RRP1B: variants seen among roughly 807,000 people sequenced by gnomAD.
RRP1B encodes ribosomal RNA processing protein 1 homolog B.
RRP1B carries 56 observed loss-of-function variants against 80.2 expected under a neutral mutation model. The ratio of observed to expected loss-of-function variants is 0.70; its 90% CI spans 0.56 to 0.87. The LOEUF (loss-of-function observed/expected upper bound fraction) is 0.87. RRP1B is among the 40% of genes least tolerant of loss of function. RRP1B has a pLI of 0.00. For synonymous variants in RRP1B, 351 were observed against 357.6 expected (o/e 0.98, Z 0.21); for missense variants, 807 against 939.8 (o/e 0.86, Z 1.85).
At chr21:43,660,726 G>T (rs565750260) in intron 1 of RRP1B, among the ~76,000 whole-genome samples, 1 of 152,302 alleles carries the variant, frequency 6.6e-6, no homozygotes, top group Admixed American at 6.5e-5. Flanking sequence ...AGGCAGGAAA[G>T]AGCTTCACGT....
At chr21:43,664,209 C>T (rs1049079410) in intron 1 of RRP1B, among the ~76,000 whole-genome samples, 15 of 151,460 alleles carry the variant, frequency 9.9e-5, no homozygotes, top group Non-Finnish European at 1.8e-4. Flanking sequence ...GAAGCCGAGG[C>T]GGGTGGATCA....
rs73908364 is a variant in RRP1B, at chr21:43,685,661, T to C, written c.990-109T>C. 3.4e-3 allele frequency: 2,716 copies of C among 787,402 alleles called. 56 individuals carry two copies. The African/African-American group carries it at 0.044, about 13-fold the overall frequency. 48.8% of individuals were successfully genotyped at this position (787,402 alleles called of 1,614,324 possible). A position where few individuals can be genotyped will look rare whatever the true frequency, so the allele number is the denominator to read the frequency against. ...ACGTGAATTAACAACTATTTAACTA[T>C]GGCTTGTATTTTAAAAATCAAATAC... is the stretch of plus-strand genomic sequence containing the variant. On this transcript the variant is annotated intron_variant, in intron 10 of 15. Coordinates refer to ENST00000340648, the MANE Select transcript of RRP1B (RefSeq NM_015056.3).
intron 8 of RRP1B, among the ~76,000 whole-genome samples, chr21:43,679,282 G>A (rs969059785): frequency 1.3e-5 from 2 of 151,184 alleles, no homozygotes; most frequent in South Asian, 2.1e-4. Flanking sequence ...GGCGGGGAGG[G>A]GAGAGAGACA....
At chr21:43,674,919 C>G (rs1957240377) in intron 5 of RRP1B, 115 bp from the exon 6 acceptor site, 1 of 1,373,242 alleles carries the variant, frequency 7.3e-7, no homozygotes, top group Non-Finnish European at 1.0e-6. Context: ...ATGATTTCAG[C>G]CTTGCATTGA....
At chr21:43,665,430 A>G (rs1413721553) in intron 1 of RRP1B, among the ~76,000 whole-genome samples, 1 of 152,228 alleles carries the variant, frequency 6.6e-6, no homozygotes, top group African/African-American at 2.4e-5. Context: ...CAAGCTTGTG[A>G]TTATATCACT....
chr21:43,661,841 C>T (rs902256024), intron 1 of RRP1B, among the ~76,000 whole-genome samples: 19 of 152,308 alleles, frequency 1.2e-4, no homozygotes, highest in Non-Finnish European at 2.5e-4. Context: ...AATTTCTCAC[C>T]TCTCTGCCTT....
At position 43,691,443 on chromosome 21, in the gene RRP1B, A is replaced by G. The variant is rs983596088; in HGVS notation, c.2024A>G (p.Asn675Ser). ...CCTGTTATTTCTCTTCTGCAGCTAAACAAGACACCATCCAGCTCCAAGAAA... is the reference window on the plus strand; with the variant it reads ...CCTGTTATTTCTCTTCTGCAGCTAAGCAAGACACCATCCAGCTCCAAGAAA... ...THPPGPAVQL[N>S]KTPSSSKKVT... The change falls in exon 15 of 16, where the codon AAC becomes AGC. Residue 675 changes from asparagine to serine, a missense_variant. Transcript: ENST00000340648. This position sits in a 1 kb window ranked among gnomAD's most constrained non-coding sequence, Gnocchi z 4.2. 6.2e-7 allele frequency: 1 copy of G among 1,613,922 alleles called. No homozygotes were observed. Among genetic ancestry groups the G allele is most frequent in the Non-Finnish European group, 8.5e-7 (1 of 1,179,890 alleles).
At position 43,672,384 on chromosome 21, in the gene RRP1B, TCTC is replaced by T. The variant is rs1323872308; in HGVS notation, c.271+22_271+24del. On this transcript the variant is annotated intron_variant, in intron 3 of 15. Coordinates refer to ENST00000340648, the MANE Select transcript of RRP1B (RefSeq NM_015056.3). The stretch of plus-strand genomic sequence containing the variant: ...GCGGCTCGTAAGTCCTGTTGTTTCT[TCTC>T]CTTCCTTCCAAGTTTTCCGACTTGC... The T allele has an allele frequency of 1.9e-6, 3 of 1,607,184 alleles. No homozygotes were observed. The highest frequency in any genetic ancestry group is 2.2e-5 in the South Asian group (2 of 90,916).
chr21:43,667,295 T>G (rs745945331), intron 1 of RRP1B, among the ~76,000 whole-genome samples: 8 of 152,176 alleles, frequency 5.3e-5, no homozygotes, highest in Non-Finnish European at 1.0e-4. Context: ...GGCACGATTA[T>G]AGCTTACTGC....
intron 10 of RRP1B, among the ~76,000 whole-genome samples, 192 bp downstream of exon 10, chr21:43,684,842 T>A (rs2083057201): frequency 6.6e-6 from 1 of 152,146 alleles, no homozygotes; most frequent in Admixed American, 6.5e-5. Context: ...ACCCCTCAGG[T>A]TCCATTCTTC....
chr21:43,678,094 G>A (rs1279200275), intron 8 of RRP1B, among the ~76,000 whole-genome samples: 2 of 152,188 alleles, frequency 1.3e-5, no homozygotes, highest in African/African-American at 4.8e-5. Flanking sequence ...GTTTTCCACA[G>A]TGGTTGTACT....
intron 1 of RRP1B, among the ~76,000 whole-genome samples, chr21:43,666,404 G>A (rs2082978158): frequency 1.3e-5 from 2 of 152,206 alleles, no homozygotes; most frequent in African/African-American, 4.8e-5. Flanking sequence ...GCACAAAGTT[G>A]TGCTTCACTT....
rs1480589059 is a variant in RRP1B at position 43,695,436 on chromosome 21, G to A, written c.*2053G>A. The A allele has an allele frequency of 1.3e-5, 2 of 152,180 alleles. No homozygotes were observed. The highest frequency in any genetic ancestry group is 2.9e-5 in the Non-Finnish European group (2 of 68,036). The allele number at this position is 152,180 out of a possible 1,614,324, so 9.4% of individuals were successfully genotyped here. A position where few individuals can be genotyped will look rare whatever the true frequency, so the allele number is the denominator to read the frequency against. ...CCTCCTGTCAAAACCATGCCTGAGAGGTCCCGGCTGGGAGTGACAGGGTGC... is the reference window on the plus strand; with the variant it reads ...CCTCCTGTCAAAACCATGCCTGAGAAGTCCCGGCTGGGAGTGACAGGGTGC... On this transcript the variant is annotated 3_prime_UTR_variant, in exon 16 of 16. Coordinates refer to ENST00000340648, the MANE Select transcript of RRP1B (RefSeq NM_015056.3).
At position 43,691,362 on chromosome 21, in the gene RRP1B, T is replaced by G. The variant is rs2083085513; in HGVS notation, c.2020-77T>G. On this transcript the variant is annotated intron_variant, in intron 14 of 15. Transcript: ENST00000340648. The surrounding 1 kb of genome is among the most constrained non-coding windows in gnomAD (Gnocchi z 4.2). ...TGGGCGGCATACCCTCCAGGGCAGGTTCTCCAGAAAAATCTGACTAAGCGC... is the reference window on the plus strand; with the variant it reads ...TGGGCGGCATACCCTCCAGGGCAGGGTCTCCAGAAAAATCTGACTAAGCGC... The G allele has an allele frequency of 7.2e-7, 1 of 1,387,256 alleles. No individual in the cohort carries two copies. Among genetic ancestry groups the G allele is most frequent in the Middle Eastern group, 1.8e-4 (1 of 5,630 alleles). 85.9% of individuals were successfully genotyped at this position (1,387,256 alleles called of 1,614,324 possible).
chr21:43,687,403 TCGTGGTA>T, intron 12 of RRP1B, 106 bp from the exon 13 acceptor site: 1 of 1,260,410 alleles, frequency 7.9e-7, no homozygotes, highest in South Asian at 2.0e-5. Flanking sequence ...GGAACTTTCC[TCGTGGTA>T]GAATGTCAGG....
At chr21:43,681,618 C>CG in intron 8 of RRP1B, among the ~76,000 whole-genome samples, 1 of 152,156 alleles carries the variant, frequency 6.6e-6, no homozygotes, top group African/African-American at 2.4e-5. Context: ...TACAGACAGG[C>CG]GTGAGCCACC....
intron 1 of RRP1B, among the ~76,000 whole-genome samples, chr21:43,663,522 T>G (rs1053255151): frequency 6.6e-6 from 1 of 152,098 alleles, no homozygotes; most frequent in Non-Finnish European, 1.5e-5. Flanking sequence ...CTCAAAGTGC[T>G]GGGATTACAG....
At chr21:43,675,262 G>A (rs1296070938) in intron 6 of RRP1B, 99 bp downstream of exon 6, 3 of 1,128,998 alleles carry the variant, frequency 2.7e-6, no homozygotes, top group Non-Finnish European at 3.9e-6. Flanking sequence ...CGCATGACCA[G>A]CGACTGTAGC....
In RRP1B at chr21:43,676,847, CCT is replaced by C. The variant is rs755492196; in HGVS notation, c.734_735del (p.Ser245CysfsTer2). On this transcript the variant is annotated frameshift_variant, in exon 8 of 16. Transcript: ENST00000340648. LOFTEE classifies it high-confidence loss of function. ...EQKTKVGDGD[L>X]SAEEIPENEV... ...AGAAGACAAAAGTGGGTGATGGTGA[CCT>C]CTCTGCTGAGGAGATACCTGAAAAT... 1.9e-6 allele frequency: 3 copies of C among 1,614,090 alleles called. No homozygotes were observed. In the African/African-American group the frequency reaches 4.0e-5, roughly 22 times the overall value.
Sources: allele counts gnomAD v4.1 joint callset (sites outside exome capture counted in the v4.1 genomes callset), GRCh38; gene constraint gnomAD v4.1.1; non-coding constraint Gnocchi (gnomAD v3.1); transcripts MANE v1.5; gene names NCBI Gene and HGNC (gene_info 2026-07-23, HGNC 2026-07-21).